Variants in MSH4 observed in about 807,000 individuals in gnomAD.
MSH4 encodes the protein mutS homolog 4, also known as mutS protein homolog 4.
A neutral mutation model predicts 113.7 loss-of-function variants in MSH4; 106 were observed. That is an observed-to-expected ratio of 0.93 (90% CI 0.80 to 1.10). MSH4 has a LOEUF of 1.10. Among genes scored for constraint, MSH4 ranks in the 50% least tolerant of loss-of-function variants. The pLI is 0.00. For missense variants in MSH4, 1,061 were observed against 1,093.7 expected (o/e 0.97, Z 0.42); for synonymous variants, 368 against 380.2 (o/e 0.97, Z 0.37).
At chr1:75,835,939 C>T (rs577525448) in intron 7 of MSH4, among the ~76,000 whole-genome samples, 7 of 152,260 alleles carry the variant, frequency 4.6e-5, no homozygotes, top group East Asian at 1.9e-4. Context: ...TTTTACCTTT[C>T]GGAGTTCACC....
chr1:75,802,563 C>A (rs997852648), intron 1 of MSH4, among the ~76,000 whole-genome samples: 52 of 152,038 alleles, frequency 3.4e-4, no homozygotes, highest in Non-Finnish European at 6.5e-4. Context: ...TATGACAATC[C>A]TGTAAAATAG....
chr1:75,906,862 C>T (rs1248129573), intron 19 of MSH4, among the ~76,000 whole-genome samples: 1 of 139,290 alleles, frequency 7.2e-6, no homozygotes, highest in East Asian at 2.1e-4. Flanking sequence ...GAGATTGAGT[C>T]TCACTCTCTT....
At chr1:75,854,333 A>G (rs1036776648) in intron 8 of MSH4, among the ~76,000 whole-genome samples, 1 of 151,964 alleles carries the variant, frequency 6.6e-6, no homozygotes, top group Non-Finnish European at 1.5e-5. Flanking sequence ...CACTCTGCCT[A>G]TGCTGTAGTA....
chr1:75,834,872 T>A (rs1014686175), intron 7 of MSH4, among the ~76,000 whole-genome samples: 5 of 152,144 alleles, frequency 3.3e-5, no homozygotes, highest in African/African-American at 7.2e-5. Context: ...TGTATACATA[T>A]GTAACAAACC....
In MSH4 at chr1:75,889,250, G is replaced by T. The variant is rs1387506866; in HGVS notation, c.2108-1G>T. 1.5e-6 allele frequency: 2 copies of T among 1,314,274 alleles called. No homozygotes were observed. Among genetic ancestry groups the T allele is most frequent in the Non-Finnish European group, 2.2e-6 (2 of 923,244 alleles). 81.4% of individuals were successfully genotyped at this position (1,314,274 alleles called of 1,614,324 possible). A position where few individuals can be genotyped will look rare whatever the true frequency, so the allele number is the denominator to read the frequency against. Reference sequence around the variant, plus strand: ...GTTTATCTTGACCTTATATTTTACAGGATCATATGTTCCAGCAGAATATTC... The same window carrying T: ...GTTTATCTTGACCTTATATTTTACATGATCATATGTTCCAGCAGAATATTC... On this transcript the variant is annotated splice_acceptor_variant, in intron 15 of 19. Transcript: ENST00000263187. LOFTEE classifies it high-confidence loss of function.
intron 13 of MSH4, among the ~76,000 whole-genome samples, chr1:75,880,839 A>C (rs1368525070): frequency 6.6e-6 from 1 of 152,008 alleles, no homozygotes; most frequent in Non-Finnish European, 1.5e-5. Flanking sequence ...GATGAGAGAG[A>C]AAATGCATAT....
chr1:75,827,794 CAAG>C (rs1314902519), intron 7 of MSH4, among the ~76,000 whole-genome samples: 11 of 151,920 alleles, frequency 7.2e-5, no homozygotes, highest in African/African-American at 2.7e-4. Context: ...ATCAATACAA[CAAG>C]AAGAGCTAAC....
Position 75,876,957 on chromosome 1 carries a change from A to G in MSH4, c.1327A>G (p.Thr443Ala). Reference protein sequence around the residue: ...PLKIAMKNCNTPLLRAYYGSL... With the variant: ...PLKIAMKNCNAPLLRAYYGSL... ...ATAGATTGCTATGAAGAACTGTAAC[A>G]CACCTTTATTAAGAGCTTACTATGG... Residue 443 changes from threonine to alanine, a missense_variant, in exon 10 of 20, where the codon ACA becomes GCA. Transcript: ENST00000263187. The G allele has an allele frequency of 6.4e-7, 1 of 1,563,028 alleles. No individual in the cohort carries two copies.
At chr1:75,890,249 T>C (rs937040747) in intron 16 of MSH4, among the ~76,000 whole-genome samples, 2 of 152,056 alleles carry the variant, frequency 1.3e-5, no homozygotes, top group African/African-American at 4.8e-5. Flanking sequence ...GACTTAGGTA[T>C]TTTTTCTTAA....
chr1:75,902,504 C>T (rs1652526329), intron 19 of MSH4, among the ~76,000 whole-genome samples: 1 of 151,326 alleles, frequency 6.6e-6, no homozygotes, highest in South Asian at 2.1e-4. Context: ...TGGCCTCCAA[C>T]TCCATCTATG....
At chr1:75,806,310 C>T (rs868783500) in intron 2 of MSH4, among the ~76,000 whole-genome samples, 2 of 144,716 alleles carry the variant, frequency 1.4e-5, no homozygotes, top group Non-Finnish European at 3.0e-5. Flanking sequence ...TGCAGTGGCG[C>T]GATCCCGGCT....
chr1:75,911,116 T>C (rs1249500746), intron 19 of MSH4, among the ~76,000 whole-genome samples: 3 of 151,840 alleles, frequency 2.0e-5, no homozygotes, highest in Non-Finnish European at 4.4e-5. Flanking sequence ...CATACTAGAT[T>C]GTCAAGGATC....
chr1:75,866,440 C>T (rs900679395), intron 8 of MSH4, among the ~76,000 whole-genome samples: 6 of 152,014 alleles, frequency 3.9e-5, no homozygotes, highest in Non-Finnish European at 7.4e-5. Flanking sequence ...CTGGGATTAC[C>T]GACATAAGCC....
intron 14 of MSH4, among the ~76,000 whole-genome samples, chr1:75,882,269 A>G (rs1651950280): frequency 6.6e-6 from 1 of 152,124 alleles, no homozygotes; most frequent in African/African-American, 2.4e-5. Flanking sequence ...TTTGAGAAGG[A>G]TCATTCTGAA....
intron 17 of MSH4, among the ~76,000 whole-genome samples, chr1:75,894,851 A>T (rs139337852): frequency 6.6e-6 from 1 of 152,168 alleles, no homozygotes; most frequent in Non-Finnish European, 1.5e-5. Flanking sequence ...CTAAGTGGCA[A>T]TACCTTTCAG....
chr1:75,834,798 G>A (rs970383573), intron 7 of MSH4, among the ~76,000 whole-genome samples: 1 of 152,136 alleles, frequency 6.6e-6, no homozygotes, highest in Non-Finnish European at 1.5e-5. Flanking sequence ...GGATGGGGGA[G>A]GGATAGCATT....
chr1:75,821,319 G>A (rs1440274083), intron 6 of MSH4, among the ~76,000 whole-genome samples: 2 of 151,664 alleles, frequency 1.3e-5, no homozygotes, highest in African/African-American at 2.4e-5. Context: ...GGTACATAAC[G>A]AAATGAAGGC....
chr1:75,903,013 A>AT (rs201303387), intron 19 of MSH4, among the ~76,000 whole-genome samples: 13,691 of 145,024 alleles, frequency 0.094, 836 homozygotes, highest in Middle Eastern at 0.18. Flanking sequence ...CACTTTGTTA[A>AT]TTTTTTTTTT....
intron 8 of MSH4, among the ~76,000 whole-genome samples, chr1:75,858,330 C>T (rs1467237806): frequency 6.6e-6 from 1 of 152,194 alleles, no homozygotes; most frequent in Non-Finnish European, 1.5e-5. Context: ...GAAAGGGCAT[C>T]CTTGTCTTGT....
Sources: allele counts gnomAD v4.1 joint callset (sites outside exome capture counted in the v4.1 genomes callset), GRCh38; gene constraint gnomAD v4.1.1; transcripts MANE v1.5; gene names NCBI Gene and HGNC (gene_info 2026-07-23, HGNC 2026-07-21).